Variants in SHANK1 observed in about 807,000 individuals in gnomAD.
SHANK1 encodes the protein SH3 and multiple ankyrin repeat domains protein 1.
SHANK1 carries 35 observed loss-of-function variants against 165.6 expected under a neutral mutation model. That is an observed-to-expected ratio of 0.21 (90% CI 0.16 to 0.28). The LOEUF is 0.28. SHANK1 is among the 10% of genes least tolerant of loss of function. The pLI, the probability that SHANK1 is intolerant of heterozygous loss-of-function variation, is 1.00. For missense variants in SHANK1, 2,681 were observed against 3,036.4 expected (o/e 0.88, Z 2.75); for synonymous variants, 1,428 against 1,384.8 (o/e 1.03, Z -0.69).
At chr19:50,671,034 C>T (rs184062387) in intron 22 of SHANK1, among the ~76,000 whole-genome samples, 136 of 150,762 alleles carry the variant, frequency 9.0e-4, no homozygotes, top group African/African-American at 2.2e-3. Flanking sequence ...CCTTGTGATC[C>T]GCCTGCCTCG....
intron 6 of SHANK1, among the ~76,000 whole-genome samples, chr19:50,712,376 C>T (rs1419880351): frequency 6.6e-6 from 1 of 152,198 alleles, no homozygotes. Context: ...ACCCAGCCTT[C>T]CCCCTGGGGG....
intron 9 of SHANK1, 44 bp from the exon 10 acceptor site, chr19:50,704,230 C>T (rs780653860): frequency 1.3e-6 from 2 of 1,590,440 alleles, no homozygotes; most frequent in African/African-American, 1.3e-5. Flanking sequence ...GGGGCCCAGG[C>T]AGCAGAGAGA....
Position 50,719,631 on chromosome 19 carries a change from C to T in SHANK1, c.-269G>A, listed in dbSNP as rs1399983879. Among the ~76,000 whole-genome samples, 4 of 149,316 alleles carry T rather than the reference C, an allele frequency of 2.7e-5. No individual in the cohort carries two copies. The highest frequency in any genetic ancestry group is 6.6e-5 in the Admixed American group (1 of 15,080). On this transcript the variant is annotated 5_prime_UTR_variant, in exon 1 of 24. Transcript: ENST00000293441. ...CCTGGCCATCCGCAGAGCGCCCCCC[C>T]TTCCGCCGCGGCCGCCGCGCCCCTC...
In SHANK1 at chr19:50,661,566, G is replaced by A. The variant is rs1399962307; in HGVS notation, c.*399C>T. Among the ~76,000 whole-genome samples the A allele has an allele frequency of 3.3e-5, 5 of 151,932 alleles. No individual in the cohort carries two copies. The highest frequency in any genetic ancestry group is 6.6e-5 in the Admixed American group (1 of 15,262). ...GGAAGGGTTGTTAGAGGGGTGGCAG[G>A]TGGTGGAATCCGAGGGCACCCCCTT... On this transcript the variant is annotated 3_prime_UTR_variant, in exon 24 of 24. Transcript: ENST00000293441.
At chr19:50,706,412 G>T (rs572496740) in intron 8 of SHANK1, among the ~76,000 whole-genome samples, 182 of 152,008 alleles carry the variant, frequency 1.2e-3, no homozygotes, top group African/African-American at 4.2e-3. Context: ...TCACTTTTTG[G>T]GCTAAGCACA....
rs796919361 is a variant in SHANK1 at position 50,660,722 on chromosome 19, T to TGG, written c.*1241_*1242dup. On this transcript the variant is annotated 3_prime_UTR_variant, in exon 24 of 24. Coordinates refer to ENST00000293441, the MANE Select transcript of SHANK1 (RefSeq NM_016148.5). The stretch of plus-strand genomic sequence containing the variant: ...GGCTTCCGGAGAGCACTGAAAATGC[T>TGG]GGGGGGGGGGGCGCGTGTGCAAAAG... Among the ~76,000 whole-genome samples, 4,786 of 54,220 alleles carry TGG rather than the reference T, an allele frequency of 0.088. 549 individuals are homozygous for TGG. The highest frequency in any genetic ancestry group is 0.15 in the African/African-American group (1,678 of 11,364). 35.6% of individuals were successfully genotyped at this position (54,220 alleles called of 152,430 possible).
chr19:50,662,256 G>A lies in SHANK1; in HGVS notation c.6195C>T (p.Leu2065=), dbSNP rs372937479. 48 of 1,610,818 alleles carry A rather than the reference G, an allele frequency of 3.0e-5. No individual in the cohort carries two copies. Among genetic ancestry groups the A allele is most frequent in the African/African-American group, 1.1e-4 (8 of 75,022 alleles). ...GCGAGGCCCCTGACAAGGCTCCCCC[G>A]AGCCCCCCGGATATCCCCGGGTGTG... ...VPPHPGISGG[L]GGALSGASRS... is the part of the protein sequence containing the mutation. The change falls in exon 24 of 24, where the codon CTC becomes CTT. Residue 2065 remains leucine, a synonymous_variant. Transcript: ENST00000293441. This position sits in a 1 kb window ranked among gnomAD's most constrained non-coding sequence, Gnocchi z 7.7.
In SHANK1 at chr19:50,668,872, C is replaced by T. The variant is rs1248552656; in HGVS notation, c.3088G>A (p.Gly1030Ser). 4 of 1,291,360 alleles carry T rather than the reference C, an allele frequency of 3.1e-6. No homozygotes were observed. Among genetic ancestry groups the T allele is most frequent in the East Asian group, 3.1e-5 (1 of 31,814 alleles). The allele number at this position is 1,291,360 out of a possible 1,614,324, so 80.0% of individuals were successfully genotyped here. A position where few individuals can be genotyped will look rare whatever the true frequency, so the allele number is the denominator to read the frequency against. ...CGGGGTGGAGGGTCGTCGGGAGAGCCGCCTGTCTCCATCTCGGGAGGATGA... is the reference window on the plus strand; with the variant it reads ...CGGGGTGGAGGGTCGTCGGGAGAGCTGCCTGTCTCCATCTCGGGAGGATGA... ...PPHPPEMETG[G>S]SPDDPPPRLA... Residue 1030 changes from glycine (G) to serine (S), a missense_variant, in exon 23 of 24, where the codon GGC (glycine) becomes AGC (serine). By Grantham distance (56) the Gly-to-Ser change is moderately conservative. This residue lies in a region of SHANK1 where 1,713 missense variants were observed against 1,630.2 expected (regional missense o/e 1.05). Transcript: ENST00000293441.
At chr19:50,701,861 C>G (rs945270333) in intron 12 of SHANK1, among the ~76,000 whole-genome samples, 1 of 152,186 alleles carries the variant, frequency 6.6e-6, no homozygotes. Context: ...GCTCCACTTT[C>G]CAGATGAAGG....
At chr19:50,681,158 T>C (rs1986166707) in intron 21 of SHANK1, among the ~76,000 whole-genome samples, 1 of 147,378 alleles carries the variant, frequency 6.8e-6, no homozygotes, top group African/African-American at 2.5e-5. Flanking sequence ...GCCACCAAGA[T>C]GCAGAAACCT....
chr19:50,697,080 G>T lies in SHANK1; in HGVS notation c.1964+16C>A. ...CCCCTCCTGACCCCATCCCCTCCCT[G>T]CCCCTCGCCTCTCACCTCCCTGGGC... is the stretch of plus-strand genomic sequence containing the variant. On this transcript the variant is annotated intron_variant, in intron 15 of 23. Transcript: ENST00000293441. This position sits in a 1 kb window ranked among gnomAD's most constrained non-coding sequence, Gnocchi z 4.7. The T allele has an allele frequency of 6.3e-7, 1 of 1,597,486 alleles. No individual in the cohort carries two copies. Among genetic ancestry groups the T allele is most frequent in the Non-Finnish European group, 8.5e-7 (1 of 1,170,702 alleles).
At position 50,667,177 on chromosome 19, in the gene SHANK1, T is replaced by G; in HGVS notation, c.4783A>C (p.Thr1595Pro). Residue 1595 changes from threonine to proline, a missense_variant, in exon 23 of 24, where the codon ACA becomes CCA. Thr to Pro is a conservative substitution (Grantham distance 38). Around this residue, in one of 10 missense-constraint regions of SHANK1, gnomAD observed 1,713 missense variants for 1,630.2 expected, o/e 1.05. Transcript: ENST00000293441. This position sits in a 1 kb window ranked among gnomAD's most constrained non-coding sequence, Gnocchi z 5.7. ...TPGPPHPLPD[T>P]PAPATPLPPV... ...GGTAACGGGGTGGCAGGGGCAGGTG[T>G]GTCGGGCAGCGGGTGGGGAGGCCCA... The G allele has an allele frequency of 6.4e-7, 1 of 1,563,576 alleles. No homozygotes were observed. The highest frequency in any genetic ancestry group is 8.6e-7 in the Non-Finnish European group (1 of 1,161,762).
rs1985615990 is a variant in SHANK1 at position 50,667,991 on chromosome 19, G to C, written c.3969C>G (p.Gly1323=). The part of the protein sequence containing the change: ...YGAGSRAYGG[G]GGSSAFTSFL... ...AGCTGGTGAAGGCGCTGCTGCCCCCGCCACCCCCGTAGGCTCGGCTACCGG... is the reference window on the plus strand; with the variant it reads ...AGCTGGTGAAGGCGCTGCTGCCCCCCCCACCCCCGTAGGCTCGGCTACCGG... The change falls in exon 23 of 24, where the codon GGC becomes GGG. Residue 1323 remains glycine, a synonymous_variant. Coordinates refer to ENST00000293441, the MANE Select transcript of SHANK1 (RefSeq NM_016148.5). This position sits in a 1 kb window ranked among gnomAD's most constrained non-coding sequence, Gnocchi z 5.7. The C allele has an allele frequency of 6.9e-7, 1 of 1,459,594 alleles. No homozygotes were observed. Among genetic ancestry groups the C allele is most frequent in the South Asian group, 1.3e-5 (1 of 76,532 alleles). The allele number at this position is 1,459,594 out of a possible 1,614,324, so 90.4% of individuals were successfully genotyped here.
intron 12 of SHANK1, among the ~76,000 whole-genome samples, chr19:50,698,702 T>C (rs1481996926): frequency 6.6e-6 from 1 of 152,230 alleles, no homozygotes; most frequent in Non-Finnish European, 1.5e-5. Context: ...CACTGAGGCT[T>C]GGAGAGCCAA....
intron 21 of SHANK1, among the ~76,000 whole-genome samples, chr19:50,683,717 G>C (rs1986246285): frequency 6.6e-6 from 1 of 152,138 alleles, no homozygotes; most frequent in Admixed American, 6.5e-5. Flanking sequence ...CCCTCGTTCA[G>C]CCTCGTCTGG....
chr19:50,661,510 G>T lies in SHANK1; in HGVS notation c.*455C>A, dbSNP rs1441978171. Among the ~76,000 whole-genome samples the T allele has an allele frequency of 6.6e-6, 1 of 151,670 alleles. No individual in the cohort carries two copies. Among genetic ancestry groups the T allele is most frequent in the African/African-American group, 2.4e-5 (1 of 41,240 alleles). On this transcript the variant is annotated 3_prime_UTR_variant, in exon 24 of 24. Coordinates refer to ENST00000293441, the MANE Select transcript of SHANK1 (RefSeq NM_016148.5). ...GCTGTGTGTGCTGGGGAGAGGGGAA[G>T]GGGGGAGAGCTGAGGGGCCTGGAGA...
intron 15 of SHANK1, among the ~76,000 whole-genome samples, chr19:50,692,557 A>G (rs2123145308): frequency 6.7e-6 from 1 of 149,898 alleles, no homozygotes; most frequent in East Asian, 2.0e-4. Flanking sequence ...CTGCTTCTCA[A>G]CCACCCCCTA....
In SHANK1 at chr19:50,688,963, T is replaced by C. The variant is rs1278695287; in HGVS notation, c.2053A>G (p.Thr685Ala). The part of the protein sequence containing the change: ...GFVLRGAKAQ[T>A]PIEEFTPTPA... ...GTGGGGGTGAACTCCTCGATGGGGG[T>C]CTGCGCTGCAGACAGGGAGGAGCCG... The change falls in exon 17 of 24, where the codon ACC becomes GCC. Residue 685 changes from threonine to alanine, a missense_variant. Coordinates refer to ENST00000293441, the MANE Select transcript of SHANK1 (RefSeq NM_016148.5). The surrounding 1 kb of genome is among the most constrained non-coding windows in gnomAD (Gnocchi z 6.7). The C allele has an allele frequency of 6.5e-7, 1 of 1,537,920 alleles. No homozygotes were observed. The highest frequency in any genetic ancestry group is 2.0e-5 in the Admixed American group (1 of 50,398).
In SHANK1 at chr19:50,690,898, C is replaced by T. The variant is rs1986518166; in HGVS notation, c.1965-1619G>A. Among the ~76,000 whole-genome samples the T allele has an allele frequency of 6.6e-6, 1 of 152,154 alleles. No individual in the cohort carries two copies. The highest frequency in any genetic ancestry group is 6.5e-5 in the Admixed American group (1 of 15,278). ...GCACCCCTGTATGCTCCCAGGACCC[C>T]CATGGCTCCCCTTGTAAAAATCCAT... On this transcript the variant is annotated intron_variant, in intron 15 of 23. Transcript: ENST00000293441. The surrounding 1 kb of genome is among the most constrained non-coding windows in gnomAD (Gnocchi z 4.9).
Sources: allele counts gnomAD v4.1 joint callset (sites outside exome capture counted in the v4.1 genomes callset), GRCh38; gene constraint gnomAD v4.1.1; regional missense constraint gnomAD v4.1.1; non-coding constraint Gnocchi (gnomAD v3.1); transcripts MANE v1.5; gene names NCBI Gene and HGNC (gene_info 2026-07-23, HGNC 2026-07-21).